Variants in BCKDHB observed in about 807,000 individuals in gnomAD.
The protein encoded by BCKDHB is 2-oxoisovalerate dehydrogenase subunit beta, mitochondrial.
In BCKDHB, 41 loss-of-function variants were observed where a neutral mutation model predicts 48.5. The observed-to-expected ratio is 0.85, with a 90% confidence interval of 0.66 to 1.10. The LOEUF (loss-of-function observed/expected upper bound fraction) is 1.10, where lower values mean the gene tolerates loss of function less well. Ranked by LOEUF, BCKDHB falls within the 50% of genes least tolerant of loss-of-function variation. The pLI is 0.00. For synonymous variants in BCKDHB, 201 were observed against 174.8 expected, an observed-to-expected ratio of 1.15 and a Z score of -1.18; for missense variants, 496 against 494.2, an observed-to-expected ratio of 1.00 and a Z score of -0.03.
the BCKDHB span, among the ~76,000 whole-genome samples, chr6:80,432,783 A>G: frequency 2.0e-5 from 3 of 151,978 alleles, no homozygotes; most frequent in African/African-American, 7.2e-5. Context: ...ATTTTTAGCC[A>G]TTTTGCTCTG....
the BCKDHB span, among the ~76,000 whole-genome samples, chr6:80,432,145 C>T: frequency 5.6e-3 from 859 of 152,190 alleles, 8 homozygotes; most frequent in Non-Finnish European, 8.3e-3. Context: ...TCATTTTAAT[C>T]CTGGTGAATC....
chr6:80,272,617 C>T (rs980412400), intron 8 of BCKDHB, among the ~76,000 whole-genome samples: 1 of 152,168 alleles, frequency 6.6e-6, no homozygotes, highest in South Asian at 2.1e-4. Flanking sequence ...TTTTAGAGCA[C>T]ATTAACGAAG....
the BCKDHB span, among the ~76,000 whole-genome samples, chr6:80,463,585 T>G: frequency 6.6e-6 from 1 of 152,130 alleles, no homozygotes; most frequent in Admixed American, 6.5e-5. Context: ...TGATTTTCAA[T>G]ATACTTTTTT....
intron 8 of BCKDHB, among the ~76,000 whole-genome samples, chr6:80,227,032 A>G (rs1775709689): frequency 1.3e-5 from 2 of 152,312 alleles, no homozygotes; most frequent in Non-Finnish European, 2.9e-5. Flanking sequence ...CAACCATTAA[A>G]TATAAAGGGT....
intron 8 of BCKDHB, among the ~76,000 whole-genome samples, chr6:80,261,896 T>C (rs1217363909): frequency 6.6e-6 from 1 of 152,180 alleles, no homozygotes; most frequent in African/African-American, 2.4e-5. Context: ...CTTCCTTTAC[T>C]AATCTTTGAA....
At chr6:80,323,229 T>C (rs972117341) in intron 9 of BCKDHB, among the ~76,000 whole-genome samples, 16 of 152,218 alleles carry the variant, frequency 1.1e-4, no homozygotes, top group African/African-American at 3.9e-4. Flanking sequence ...AGCTGTCTGT[T>C]TGTAATAATA....
chr6:80,326,948 A>AT (rs1769059537), intron 9 of BCKDHB, among the ~76,000 whole-genome samples: 1 of 152,158 alleles, frequency 6.6e-6, no homozygotes, highest in Non-Finnish European at 1.5e-5. Context: ...AGCCTTGTTT[A>AT]TTACTTGACT....
At chr6:80,261,082 A>G (rs561239063) in intron 8 of BCKDHB, among the ~76,000 whole-genome samples, 1 of 152,200 alleles carries the variant, frequency 6.6e-6, no homozygotes, top group South Asian at 2.1e-4. Flanking sequence ...AGTTATTCCC[A>G]TTACTTCTTG....
chr6:80,141,318 G>A (rs1215535378), intron 3 of BCKDHB, among the ~76,000 whole-genome samples: 8 of 151,990 alleles, frequency 5.3e-5, no homozygotes, highest in Non-Finnish European at 8.8e-5. Context: ...AAAGGTCATG[G>A]GTTTTGATTA....
chr6:80,257,988 A>G (rs1777130381), intron 8 of BCKDHB, among the ~76,000 whole-genome samples: 1 of 151,912 alleles, frequency 6.6e-6, no homozygotes, highest in South Asian at 2.1e-4. Context: ...ATATATATAT[A>G]TTTATTATAA....
intron 3 of BCKDHB, among the ~76,000 whole-genome samples, chr6:80,140,396 A>G (rs999472522): frequency 2.0e-5 from 3 of 152,182 alleles, no homozygotes; most frequent in East Asian, 1.9e-4. Context: ...TTCAAAGGGA[A>G]TGCTTCCAGT....
the BCKDHB span, among the ~76,000 whole-genome samples, chr6:80,380,145 A>G: frequency 6.6e-6 from 1 of 152,268 alleles, no homozygotes; most frequent in Admixed American, 6.5e-5. Context: ...CCTAAGCAGA[A>G]AGAACAAATC....
At chr6:80,352,388 A>G in the BCKDHB span, among the ~76,000 whole-genome samples, 2 of 152,126 alleles carry the variant, frequency 1.3e-5, no homozygotes, top group Non-Finnish European at 1.5e-5. Context: ...TGCAATATGG[A>G]GTCAATCTTG....
chr6:80,383,655 GTC>G, the BCKDHB span, among the ~76,000 whole-genome samples: 1 of 151,332 alleles, frequency 6.6e-6, no homozygotes, highest in African/African-American at 2.4e-5. Context: ...CCAATCTCTT[GTC>G]TCTTTAGAAA....
intron 9 of BCKDHB, among the ~76,000 whole-genome samples, chr6:80,287,013 A>T (rs1766656403): frequency 6.6e-6 from 1 of 152,170 alleles, no homozygotes; most frequent in South Asian, 2.1e-4. Context: ...GTAAGTGACC[A>T]TAGTTTCAGC....
chr6:80,307,376 T>C, intron 9 of BCKDHB: 1 of 954,740 alleles, frequency 1.0e-6, no homozygotes, highest in Non-Finnish European at 1.2e-6. Context: ...GTTTATATTC[T>C]TTTTTCCATA....
intron 8 of BCKDHB, among the ~76,000 whole-genome samples, chr6:80,230,849 T>A (rs940664547): frequency 2.6e-5 from 4 of 152,216 alleles, no homozygotes; most frequent in Non-Finnish European, 1.5e-5. Context: ...TGTAGTGACA[T>A]GAGGGCTCTG....
intron 1 of BCKDHB, among the ~76,000 whole-genome samples, chr6:80,118,688 A>G (rs948095927): frequency 2.0e-5 from 3 of 152,132 alleles, no homozygotes; most frequent in Non-Finnish European, 2.9e-5. Context: ...TTTATCAGCT[A>G]AGTTTGTGTA....
At chr6:80,410,919 T>C in the BCKDHB span, among the ~76,000 whole-genome samples, 1 of 152,164 alleles carries the variant, frequency 6.6e-6, no homozygotes, top group Non-Finnish European at 1.5e-5. Flanking sequence ...AAGTTTGTTA[T>C]TACTGACCTT....
Sources: allele counts gnomAD v4.1 joint callset (sites outside exome capture counted in the v4.1 genomes callset), GRCh38; gene constraint gnomAD v4.1.1; transcripts MANE v1.5; gene names NCBI Gene and HGNC (gene_info 2026-07-23, HGNC 2026-07-21).